TTC3: variants seen among roughly 807,000 people sequenced by gnomAD.
TTC3 encodes E3 ubiquitin-protein ligase TTC3.
A neutral mutation model predicts 249.6 loss-of-function variants in TTC3; 180 were observed. The observed-to-expected ratio is 0.72, with a 90% confidence interval of 0.64 to 0.82. The LOEUF is 0.82. TTC3 is among the 40% of genes least tolerant of loss of function. The pLI is 0.00. For synonymous variants in TTC3, 717 were observed against 805.0 expected (o/e 0.89, Z 1.85); for missense variants, 2,061 against 2,398.4 (o/e 0.86, Z 2.94).
chr21:37,115,290 C>T (rs772333749), intron 11 of TTC3, among the ~76,000 whole-genome samples: 3 of 151,910 alleles, frequency 2.0e-5, no homozygotes, highest in Non-Finnish European at 4.4e-5. Context: ...GAATAGAGGG[C>T]CTCCACACAG....
chr21:37,175,978 C>T (rs1602003972), intron 35 of TTC3, among the ~76,000 whole-genome samples: 3 of 152,152 alleles, frequency 2.0e-5, no homozygotes, highest in Admixed American at 1.3e-4. Context: ...GCCATGTTGG[C>T]CAGGCTAGTC....
intron 28 of TTC3, chr21:37,157,121 T>C (rs946170062): frequency 4.9e-6 from 7 of 1,418,732 alleles, no homozygotes; most frequent in African/African-American, 4.3e-5. Flanking sequence ...CAAATGTAGG[T>C]ATGTTATGCT....
intron 18 of TTC3, among the ~76,000 whole-genome samples, chr21:37,135,790 C>T (rs572716774): frequency 6.6e-6 from 1 of 152,254 alleles, no homozygotes; most frequent in East Asian, 1.9e-4. Flanking sequence ...TATCTTTAGT[C>T]ACACCTTTTC....
At chr21:37,137,103 A>G (rs2078014697) in intron 18 of TTC3, among the ~76,000 whole-genome samples, 1 of 152,222 alleles carries the variant, frequency 6.6e-6, no homozygotes, top group African/African-American at 2.4e-5. Context: ...GCTCATTGAC[A>G]ATGCACCTGA....
At chr21:37,125,631 ATAAT>A (rs2076986178) in intron 14 of TTC3, among the ~76,000 whole-genome samples, 1 of 151,664 alleles carries the variant, frequency 6.6e-6, no homozygotes, top group African/African-American at 2.4e-5. Flanking sequence ...ATTATATTTA[ATAAT>A]TTATTATATA....
intron 1 of TTC3, among the ~76,000 whole-genome samples, chr21:37,080,324 C>T (rs575686451): frequency 1.0e-4 from 15 of 149,878 alleles, no homozygotes; most frequent in Non-Finnish European, 2.1e-4. Context: ...CTTTAATTAT[C>T]GATTTCTTAC....
chr21:37,140,486 AT>A (rs1298249028), intron 19 of TTC3, 74 bp from the exon 20 acceptor site: 14 of 1,049,632 alleles, frequency 1.3e-5, no homozygotes, highest in African/African-American at 1.0e-4. Flanking sequence ...TATAAAAAAA[AT>A]CAACCTTTAG....
chr21:37,087,174 A>C, intron 1 of TTC3, 73 bp from the exon 2 acceptor site: 1 of 1,540,686 alleles, frequency 6.5e-7, no homozygotes, highest in African/African-American at 1.4e-5. Context: ...AATATACCAT[A>C]GAAGCCAGGA....
chr21:37,143,433 G>T (rs572111164), intron 20 of TTC3, among the ~76,000 whole-genome samples: 1 of 152,144 alleles, frequency 6.6e-6, no homozygotes, highest in South Asian at 2.1e-4. Flanking sequence ...GTGGGCAAAG[G>T]ATATGAACAG....
intron 11 of TTC3, among the ~76,000 whole-genome samples, chr21:37,118,555 T>G (rs1839943004): frequency 6.6e-6 from 1 of 152,188 alleles, no homozygotes; most frequent in Non-Finnish European, 1.5e-5. Context: ...AGGGGCGCAT[T>G]AGGACTTTTG....
At chr21:37,117,024 G>C (rs2076198489) in intron 11 of TTC3, among the ~76,000 whole-genome samples, 2 of 145,482 alleles carry the variant, frequency 1.4e-5, no homozygotes, top group South Asian at 4.4e-4. Context: ...AATTGTAGGA[G>C]TTTATTTTGT....
chr21:37,141,130 G>C (rs966862902), intron 20 of TTC3, among the ~76,000 whole-genome samples: 8 of 152,140 alleles, frequency 5.3e-5, no homozygotes, highest in Non-Finnish European at 8.8e-5. Flanking sequence ...CTCTATTGTA[G>C]TTGTAATCCT....
intron 32 of TTC3, among the ~76,000 whole-genome samples, chr21:37,165,267 A>G (rs1033738116): frequency 6.6e-6 from 1 of 152,144 alleles, no homozygotes; most frequent in Non-Finnish European, 1.5e-5. Context: ...AAATTATGTA[A>G]TTACATAGTT....
intron 20 of TTC3, among the ~76,000 whole-genome samples, chr21:37,141,732 G>A (rs979272495): frequency 2.0e-5 from 3 of 152,126 alleles, no homozygotes; most frequent in Non-Finnish European, 4.4e-5. Context: ...TTGCACCACT[G>A]TACTCCAGCC....
chr21:37,127,981 C>G (rs2077167044), intron 15 of TTC3, among the ~76,000 whole-genome samples: 1 of 152,152 alleles, frequency 6.6e-6, no homozygotes. Context: ...CAGGCCATTA[C>G]TATCATTTAA....
chr21:37,165,968 G>A (rs1358755363), exon 33 of TTC3: 2 of 1,614,076 alleles, frequency 1.2e-6, no homozygotes, highest in African/African-American at 1.3e-5. Flanking sequence ...TTGTGAAGAT[G>A]TGAAGGCCAA....
At chr21:37,106,108 G>A (rs939519210) in intron 10 of TTC3, among the ~76,000 whole-genome samples, 14 of 152,232 alleles carry the variant, frequency 9.2e-5, no homozygotes, top group African/African-American at 3.1e-4. Flanking sequence ...AGACATTCTG[G>A]TGGGTGTGTA....
At chr21:37,140,381 T>C (rs1269577872) in intron 19 of TTC3, among the ~76,000 whole-genome samples, 180 bp from the exon 20 acceptor site, 1 of 152,242 alleles carries the variant, frequency 6.6e-6, no homozygotes, top group African/African-American at 2.4e-5. Flanking sequence ...TGACTATCCA[T>C]ATGATCAGAA....
intron 10 of TTC3, among the ~76,000 whole-genome samples, chr21:37,106,782 A>T (rs1473667210): frequency 1.3e-5 from 2 of 152,188 alleles, no homozygotes; most frequent in Non-Finnish European, 2.9e-5. Context: ...CTATATTCCC[A>T]GCTACTCAGG....
Sources: allele counts gnomAD v4.1 joint callset (sites outside exome capture counted in the v4.1 genomes callset), GRCh38; gene constraint gnomAD v4.1.1; transcripts MANE v1.5; gene names NCBI Gene and HGNC (gene_info 2026-07-23, HGNC 2026-07-21).